LRRTM4: variants seen among roughly 807,000 people sequenced by gnomAD.
LRRTM4 encodes leucine rich repeat transmembrane neuronal 4.
In LRRTM4, 25 loss-of-function variants were observed where a neutral mutation model predicts 47.6. The ratio of observed to expected loss-of-function variants is 0.53; its 90% CI spans 0.38 to 0.73. The LOEUF (loss-of-function observed/expected upper bound fraction) is 0.73. LRRTM4 is among the 30% of genes least tolerant of loss of function. LRRTM4 has a pLI of 0.00. For missense variants in LRRTM4, 638 were observed against 713.4 expected (o/e 0.89, Z 1.20); for synonymous variants, 311 against 269.5 (o/e 1.15, Z -1.51).
chr2:77,139,897 C>G (rs1672067513), intron 3 of LRRTM4, among the ~76,000 whole-genome samples: 1 of 151,980 alleles, frequency 6.6e-6, no homozygotes, highest in African/African-American at 2.4e-5. Context: ...GAATAAAATA[C>G]CTAGGAATCC....
intron 3 of LRRTM4, among the ~76,000 whole-genome samples, chr2:77,032,822 G>A (rs1678709759): frequency 6.6e-6 from 1 of 152,074 alleles, no homozygotes; most frequent in Admixed American, 6.6e-5. Context: ...GTTTGGAAAT[G>A]CTGATTCTTT....
At chr2:76,837,649 C>T (rs1185238160) in intron 3 of LRRTM4, among the ~76,000 whole-genome samples, 3 of 152,068 alleles carry the variant, frequency 2.0e-5, no homozygotes, top group African/African-American at 4.8e-5. Context: ...ATGTTTATTG[C>T]AGCACTATTC....
chr2:76,980,562 G>C (rs1328193204), intron 3 of LRRTM4, among the ~76,000 whole-genome samples: 1 of 152,032 alleles, frequency 6.6e-6, no homozygotes, highest in African/African-American at 2.4e-5. Context: ...TCTCACAGAA[G>C]ACAAGTTCTT....
intron 3 of LRRTM4, among the ~76,000 whole-genome samples, chr2:77,454,618 T>C (rs571460159): frequency 1.3e-5 from 2 of 152,288 alleles, no homozygotes; most frequent in Admixed American, 1.3e-4. Flanking sequence ...CAATGACCGC[T>C]ACTGTTCAGA....
intron 3 of LRRTM4, among the ~76,000 whole-genome samples, chr2:76,998,809 T>A (rs1354525635): frequency 6.6e-6 from 1 of 151,248 alleles, no homozygotes; most frequent in Non-Finnish European, 1.5e-5. Context: ...TACATTGAGA[T>A]TTCTTTCAGT....
chr2:76,905,626 A>C lies in LRRTM4; in HGVS notation c.1552-156710T>G, dbSNP rs959095030. Among the ~76,000 whole-genome samples the C allele has an allele frequency of 3.0e-4, 43 of 141,696 alleles. 1 individual carries two copies. Among genetic ancestry groups the C allele is most frequent in the Admixed American group, 1.3e-3 (17 of 13,280 alleles). The allele number at this position is 141,696 out of a possible 152,430, so 93.0% of individuals were successfully genotyped here. On this transcript the variant is annotated intron_variant, in intron 3 of 3. Coordinates refer to ENST00000409884, the MANE Select transcript of LRRTM4 (RefSeq NM_001134745.3). ...AAAATTTAGACGAATGTATAACTAG[A>C]ATAACCAATACAGAGAAGTGCTTAA...
chr2:76,767,559 C>A lies in LRRTM4; in HGVS notation c.1552-18643G>T, dbSNP rs377395001. Among the ~76,000 whole-genome samples, 10 of 151,522 alleles carry A rather than the reference C, an allele frequency of 6.6e-5. No individual in the cohort carries two copies. In the East Asian group the frequency reaches 1.4e-3, roughly 21 times the overall value. On this transcript the variant is annotated intron_variant, in intron 3 of 3. Coordinates refer to ENST00000409884, the MANE Select transcript of LRRTM4 (RefSeq NM_001134745.3). ...ACTCTGCCTTCAGAAATAAACCACT[C>A]TATAATATCTAAAGCTACAGTTGGC...
At chr2:77,035,716 C>T (rs1016747951) in intron 3 of LRRTM4, among the ~76,000 whole-genome samples, 8 of 151,848 alleles carry the variant, frequency 5.3e-5, no homozygotes, top group South Asian at 2.1e-4. Flanking sequence ...CATCAATAGT[C>T]CCTTTTATTT....
chr2:76,880,198 G>C (rs1672890621), intron 3 of LRRTM4, among the ~76,000 whole-genome samples: 1 of 152,112 alleles, frequency 6.6e-6, no homozygotes, highest in South Asian at 2.1e-4. Context: ...GTGAAATGCG[G>C]GTACAGCATC....
intron 3 of LRRTM4, among the ~76,000 whole-genome samples, chr2:77,374,141 A>T (rs1424535221): frequency 6.6e-6 from 1 of 151,786 alleles, no homozygotes; most frequent in Non-Finnish European, 1.5e-5. Flanking sequence ...TGGCACAGTC[A>T]AGAGTATAGG....
intron 3 of LRRTM4, among the ~76,000 whole-genome samples, chr2:77,152,867 G>A (rs1056407440): frequency 6.6e-6 from 1 of 151,980 alleles, no homozygotes; most frequent in Non-Finnish European, 1.5e-5. Context: ...ATAATTTTAA[G>A]TACAATGTGG....
intron 3 of LRRTM4, among the ~76,000 whole-genome samples, chr2:77,243,598 G>T (rs7603914): frequency 0.57 from 85,477 of 151,012 alleles, 24,474 homozygotes; most frequent in African/African-American, 0.6. Flanking sequence ...GTTGAAGAGA[G>T]TTCTAGAGAT....
intron 3 of LRRTM4, among the ~76,000 whole-genome samples, chr2:76,910,581 A>T (rs1029793311): frequency 6.6e-6 from 1 of 152,204 alleles, no homozygotes; most frequent in Non-Finnish European, 1.5e-5. Flanking sequence ...GATTGATGGA[A>T]TCTTTCCCAT....
chr2:77,222,919 G>A lies in LRRTM4; in HGVS notation c.1551+295399C>T, dbSNP rs559969124. Reference sequence around the variant, plus strand: ...GACACAATAAAAAACGAGAATTTTAGACCAATATCCCTGATGAACATTGAT... The same window carrying A: ...GACACAATAAAAAACGAGAATTTTAAACCAATATCCCTGATGAACATTGAT... On this transcript the variant is annotated intron_variant, in intron 3 of 3. Transcript: ENST00000409884. 9.7e-4 allele frequency among the ~76,000 whole-genome samples: 147 copies of A among 152,176 alleles called. 2 individuals are homozygous for A. Among genetic ancestry groups the A allele is most frequent in the African/African-American group, 3.2e-3 (133 of 41,528 alleles).
intron 3 of LRRTM4, among the ~76,000 whole-genome samples, chr2:77,457,004 G>GTGTATATATA (rs1192297417): frequency 3.5e-4 from 8 of 23,152 alleles, no homozygotes; most frequent in African/African-American, 6.8e-4. Flanking sequence ...GTGTGTGTGT[G>GTGTATATATA]TATATATATA....
intron 3 of LRRTM4, among the ~76,000 whole-genome samples, chr2:77,293,447 C>T (rs77933994): frequency 0.013 from 1,901 of 152,080 alleles, 17 homozygotes; most frequent in Non-Finnish European, 0.014. Flanking sequence ...ATCCCTATAA[C>T]GGAAAACCAG....
intron 3 of LRRTM4, among the ~76,000 whole-genome samples, chr2:76,791,345 C>T (rs1338385810): frequency 6.6e-6 from 1 of 151,546 alleles, no homozygotes; most frequent in Non-Finnish European, 1.5e-5. Flanking sequence ...CCAACATTCC[C>T]ATGTAGATTT....
At chr2:77,092,520 A>T (rs1670680167) in intron 3 of LRRTM4, among the ~76,000 whole-genome samples, 1 of 135,880 alleles carries the variant, frequency 7.4e-6, no homozygotes, top group South Asian at 2.4e-4. Context: ...CTATTCTACT[A>T]CTCCTCAGGG....
chr2:77,268,846 C>T (rs1676120882), intron 3 of LRRTM4, among the ~76,000 whole-genome samples: 1 of 152,048 alleles, frequency 6.6e-6, no homozygotes, highest in South Asian at 2.1e-4. Context: ...AGTGTGGTTT[C>T]TGGACCAGAA....
Sources: allele counts gnomAD v4.1 joint callset (sites outside exome capture counted in the v4.1 genomes callset), GRCh38; gene constraint gnomAD v4.1.1; transcripts MANE v1.5; gene names NCBI Gene and HGNC (gene_info 2026-07-23, HGNC 2026-07-21).